The following DENND4A variants were observed in gnomAD, a reference collection of about 807,000 sequenced individuals.
DENND4A encodes DENN domain containing 4A.
A neutral mutation model predicts 199.3 loss-of-function variants in DENND4A; 70 were observed. That is an observed-to-expected ratio of 0.35 (90% CI 0.29 to 0.43). DENND4A has a LOEUF of 0.43. Ranked by LOEUF, DENND4A falls within the 20% of genes least tolerant of loss-of-function variation. The probability of loss-of-function intolerance (pLI) is 1.00; values close to 1 mark genes in which losing one functional copy is unlikely to be tolerated. For missense variants in DENND4A, 1,723 were observed against 2,255.8 expected (o/e 0.76, Z 4.78); for synonymous variants, 686 against 766.9 (o/e 0.89, Z 1.74).
intron 1 of DENND4A, among the ~76,000 whole-genome samples, chr15:65,779,177 C>T (rs2077367862): frequency 6.6e-6 from 1 of 151,964 alleles, no homozygotes; most frequent in Non-Finnish European, 1.5e-5. Flanking sequence ...GGAAAAAGGC[C>T]AGGCGCAGTG....
chr15:65,784,977 A>C (rs1457690488), intron 1 of DENND4A, among the ~76,000 whole-genome samples: 1 of 152,014 alleles, frequency 6.6e-6, no homozygotes, highest in Admixed American at 6.5e-5. Flanking sequence ...GTGAAACCCC[A>C]CCTCTAACAA....
At chr15:65,725,225 C>T (rs145742445) in intron 11 of DENND4A, among the ~76,000 whole-genome samples, 26 of 152,254 alleles carry the variant, frequency 1.7e-4, no homozygotes, top group African/African-American at 6.3e-4. Flanking sequence ...TTATGACATA[C>T]ACATATTATA....
intron 23 of DENND4A, among the ~76,000 whole-genome samples, chr15:65,680,080 C>A (rs2076519980): frequency 6.6e-6 from 1 of 152,140 alleles, no homozygotes; most frequent in South Asian, 2.1e-4. Flanking sequence ...CACAACTACT[C>A]CTGCAAGAGG....
At chr15:65,705,681 C>G (rs1286215074) in intron 15 of DENND4A, among the ~76,000 whole-genome samples, 2 of 151,862 alleles carry the variant, frequency 1.3e-5, no homozygotes, top group African/African-American at 4.9e-5. Context: ...AAGATTGGCT[C>G]TAAATTAGAT....
chr15:65,760,578 T>C (rs34925963), intron 2 of DENND4A, among the ~76,000 whole-genome samples: 22 of 151,992 alleles, frequency 1.4e-4, no homozygotes, highest in Non-Finnish European at 2.8e-4. Context: ...AATAGTTTTA[T>C]GTCTTGCTAC....
At position 65,732,694 on chromosome 15, in the gene DENND4A, T is replaced by G. The variant is rs551614303; in HGVS notation, c.1107+58A>C. 5.9e-6 allele frequency: 6 copies of G among 1,015,372 alleles called. No individual in the cohort carries two copies. In the African/African-American group the frequency reaches 9.7e-5, roughly 16 times the overall value. 62.9% of individuals were successfully genotyped at this position (1,015,372 alleles called of 1,614,324 possible). On this transcript the variant is annotated intron_variant, in intron 8 of 32. Coordinates refer to ENST00000443035, the MANE Select transcript of DENND4A (RefSeq NM_001320835.1). ...TCAGAATTGTTATTCTTATGTTACA[T>G]TTTGACAGAGCCAATAACAACTCAT...
intron 14 of DENND4A, among the ~76,000 whole-genome samples, chr15:65,712,347 C>T (rs574386535): frequency 1.3e-5 from 2 of 152,212 alleles, no homozygotes; most frequent in South Asian, 2.1e-4. Context: ...AATCTATAAA[C>T]GTGAATAAAA....
Position 65,752,281 on chromosome 15 carries a change from CAAAAAAAAAAAAAAA to C in DENND4A, c.561+83_561+97del, listed in dbSNP as rs61418354. The C allele has an allele frequency of 5.4e-4, 147 of 272,674 alleles. 9 individuals are homozygous for C. The highest frequency in any genetic ancestry group is 3.1e-3 in the East Asian group (15 of 4,878). The allele number at this position is 272,674 out of a possible 1,614,324, so 16.9% of individuals were successfully genotyped here. The stretch of plus-strand genomic sequence containing the variant: ...TCTGTAATTAAACTATGCTGTTTTC[CAAAAAAAAAAAAAAA>C]AAAAAAAAAAAAAAAAAGATGTATT... On this transcript the variant is annotated intron_variant, in intron 4 of 32. Transcript: ENST00000443035.
Position 65,669,804 on chromosome 15 carries a change from C to A in DENND4A, c.4762G>T (p.Val1588Phe), listed in dbSNP as rs1352611942. The change falls in exon 27 of 33, where the codon GTT (valine) becomes TTT (phenylalanine). Residue 1588 changes from valine (V) to phenylalanine (F), a missense_variant. Coordinates refer to ENST00000443035, the MANE Select transcript of DENND4A (RefSeq NM_001320835.1). Reference protein sequence around the residue: ...ASGLDTSALSVQGNFDLNSKS... With the variant: ...ASGLDTSALSFQGNFDLNSKS... Reference sequence around the variant, plus strand: ...CTATTTAGATCAAAATTCCCTTGAACAGAGAGAGCAGATGTGTCAAGACCA... The same window carrying A: ...CTATTTAGATCAAAATTCCCTTGAAAAGAGAGAGCAGATGTGTCAAGACCA... 2 of 1,612,926 alleles carry A rather than the reference C, an allele frequency of 1.2e-6. No homozygotes were observed. The highest frequency in any genetic ancestry group is 1.7e-6 in the Non-Finnish European group (2 of 1,179,240).
intron 1 of DENND4A, among the ~76,000 whole-genome samples, chr15:65,764,675 A>T (rs111914528): frequency 2.9e-4 from 44 of 151,408 alleles, no homozygotes; most frequent in African/African-American, 7.5e-4. Context: ...AAAAGAAATT[A>T]AAAAAAAATA....
At chr15:65,715,111 CCTA>C (rs1194779118) in intron 14 of DENND4A, 1 of 165,760 alleles carries the variant, frequency 6.0e-6, no homozygotes, top group African/African-American at 2.4e-5. Flanking sequence ...TACTTTCACA[CCTA>C]CTTTCAGCAT....
At chr15:65,665,574 G>C in intron 29 of DENND4A, 112 bp from the exon 30 acceptor site, 2 of 753,986 alleles carry the variant, frequency 2.7e-6, no homozygotes, top group Non-Finnish European at 2.0e-6. Context: ...AGACAGAAAA[G>C]AGAACAGAAA....
chr15:65,774,656 T>C, intron 1 of DENND4A, among the ~76,000 whole-genome samples: 1 of 151,784 alleles, frequency 6.6e-6, no homozygotes, highest in Non-Finnish European at 1.5e-5. Context: ...GGCAACAAAG[T>C]GAGACCCTGT....
chr15:65,681,441 T>C (rs2076569739), intron 23 of DENND4A: 1 of 152,218 alleles, frequency 6.6e-6, no homozygotes, highest in South Asian at 2.1e-4. Context: ...TGAAATGTAT[T>C]TCTTAAATAC....
At chr15:65,699,686 A>AG (rs1257460329) in intron 20 of DENND4A, among the ~76,000 whole-genome samples, 2 of 147,688 alleles carry the variant, frequency 1.4e-5, no homozygotes, top group African/African-American at 4.9e-5. Context: ...TATATATATA[A>AG]ATTTTTTTTT....
chr15:65,686,985 G>A (rs1191913057), intron 23 of DENND4A, among the ~76,000 whole-genome samples: 4 of 152,298 alleles, frequency 2.6e-5, no homozygotes, highest in South Asian at 4.1e-4. Flanking sequence ...TTACAAGCAT[G>A]AGCCACCATG....
intron 19 of DENND4A, 119 bp downstream of exon 19, chr15:65,700,932 C>CTATT: frequency 8.4e-7 from 1 of 1,190,696 alleles, no homozygotes; most frequent in South Asian, 1.6e-5. Context: ...ATATAATTTG[C>CTATT]TTAATAAAAC....
chr15:65,676,165 T>TATATATATATATAC (rs1011768963), intron 24 of DENND4A, among the ~76,000 whole-genome samples: 1 of 144,468 alleles, frequency 6.9e-6, no homozygotes, highest in Non-Finnish European at 1.5e-5. Context: ...TATATATATA[T>TATATATATATATAC]ACCTATACCT....
At chr15:65,760,629 C>T (rs2076829980) in intron 2 of DENND4A, among the ~76,000 whole-genome samples, 1 of 152,092 alleles carries the variant, frequency 6.6e-6, no homozygotes. Flanking sequence ...TGGCTCATGC[C>T]TATAATCCCA....
Sources: allele counts gnomAD v4.1 joint callset (sites outside exome capture counted in the v4.1 genomes callset), GRCh38; gene constraint gnomAD v4.1.1; transcripts MANE v1.5; gene names NCBI Gene and HGNC (gene_info 2026-07-23, HGNC 2026-07-21).